Variants in CSMD1 observed in about 807,000 individuals in gnomAD.
CSMD1 encodes CUB and sushi domain-containing protein 1.
A neutral mutation model predicts 417.5 loss-of-function variants in CSMD1; 213 were observed. The observed-to-expected ratio is 0.51, with a 90% CI of 0.46 to 0.57. The LOEUF (loss-of-function observed/expected upper bound fraction) is 0.57. Among genes scored for constraint, CSMD1 ranks in the 20% least tolerant of loss-of-function variants. CSMD1 has a pLI of 0.00. For synonymous variants in CSMD1, 2,862 were observed against 1,736.8 expected, an observed-to-expected ratio of 1.65 and a Z score of -16.11; for missense variants, 6,923 against 4,529.7, an observed-to-expected ratio of 1.53 and a Z score of -15.17.
intron 1 of CSMD1, among the ~76,000 whole-genome samples, chr8:4,856,530 G>T (rs1585219660): frequency 7.2e-6 from 1 of 139,344 alleles, no homozygotes; most frequent in African/African-American, 3.0e-5. Context: ...CATCTCACGT[G>T]CAGAGACACA....
chr8:3,591,174 T>A (rs1380709781), intron 8 of CSMD1, among the ~76,000 whole-genome samples: 1 of 152,186 alleles, frequency 6.6e-6, no homozygotes, highest in Non-Finnish European at 1.5e-5. Context: ...TCAAGATACA[T>A]GGTACATTGA....
At chr8:3,636,800 C>A (rs776935288) in intron 7 of CSMD1, among the ~76,000 whole-genome samples, 5 of 152,064 alleles carry the variant, frequency 3.3e-5, no homozygotes, top group Admixed American at 6.5e-5. Context: ...GAGTTTCATA[C>A]GATCATATCT....
intron 2 of CSMD1, among the ~76,000 whole-genome samples, chr8:4,600,045 C>T (rs528551627): frequency 6.8e-4 from 103 of 152,222 alleles, no homozygotes; most frequent in African/African-American, 2.3e-3. Context: ...TCAGTAGGTA[C>T]CCACCAATGG....
chr8:3,570,880 AG>A (rs1475907409), intron 10 of CSMD1, among the ~76,000 whole-genome samples: 8 of 152,254 alleles, frequency 5.3e-5, no homozygotes, highest in African/African-American at 1.9e-4. Context: ...TTTAAACAAT[AG>A]GAACTCTAAG....
chr8:4,314,902 C>A (rs760360414), intron 3 of CSMD1, among the ~76,000 whole-genome samples: 3 of 152,102 alleles, frequency 2.0e-5, no homozygotes, highest in Non-Finnish European at 4.4e-5. Flanking sequence ...CATAATTGGG[C>A]TCCTAAAAAC....
intron 3 of CSMD1, among the ~76,000 whole-genome samples, chr8:4,173,572 G>A (rs749656467): frequency 6.6e-6 from 1 of 152,114 alleles, no homozygotes; most frequent in Non-Finnish European, 1.5e-5. Context: ...ATCAAATGAT[G>A]TAACAATATG....
At chr8:4,202,584 A>T (rs551015298) in intron 3 of CSMD1, among the ~76,000 whole-genome samples, 148 of 152,346 alleles carry the variant, frequency 9.7e-4, no homozygotes, top group African/African-American at 3.5e-3. Flanking sequence ...TCATTCAAAA[A>T]AGGTTACTTT....
At chr8:3,536,043 CAT>C (rs1165961419) in intron 10 of CSMD1, among the ~76,000 whole-genome samples, 12 of 152,174 alleles carry the variant, frequency 7.9e-5, no homozygotes, top group African/African-American at 1.7e-4. Context: ...ACCACGCTGT[CAT>C]AGTCACAGGT....
At chr8:4,553,887 A>C (rs1373590484) in intron 2 of CSMD1, among the ~76,000 whole-genome samples, 2 of 152,148 alleles carry the variant, frequency 1.3e-5, no homozygotes, top group Non-Finnish European at 1.5e-5. Context: ...CAAGCTGCCT[A>C]AAACAAGCAC....
chr8:4,157,338 G>A (rs181901142), intron 3 of CSMD1, among the ~76,000 whole-genome samples: 4 of 152,312 alleles, frequency 2.6e-5, no homozygotes, highest in African/African-American at 7.2e-5. Context: ...CAGAGCCCAA[G>A]ATATTTACCA....
At chr8:3,523,938 CAGACACGTGCATACACATGCACACTT>C (rs1469958213) in intron 10 of CSMD1, among the ~76,000 whole-genome samples, 1 of 150,046 alleles carries the variant, frequency 6.7e-6, no homozygotes, top group Non-Finnish European at 1.5e-5. Flanking sequence ...CATGCACACT[CAGACACGTGCATACACATGCACACTT>C]ACACATGCAC....
At chr8:3,034,233 T>C (rs1393605820) in intron 50 of CSMD1, among the ~76,000 whole-genome samples, 1 of 152,270 alleles carries the variant, frequency 6.6e-6, no homozygotes, top group African/African-American at 2.4e-5. Context: ...TGATGTGGTT[T>C]CTGGCTGATG....
chr8:3,694,950 T>A (rs1453841126), intron 7 of CSMD1, among the ~76,000 whole-genome samples: 1 of 151,922 alleles, frequency 6.6e-6, no homozygotes, highest in Non-Finnish European at 1.5e-5. Flanking sequence ...GTTCAGTATG[T>A]CAAGAAAAGT....
intron 2 of CSMD1, among the ~76,000 whole-genome samples, chr8:4,592,653 C>T (rs1800050965): frequency 6.6e-6 from 1 of 152,124 alleles, no homozygotes; most frequent in Non-Finnish European, 1.5e-5. Context: ...TCCCAAAGTG[C>T]TAGGATTACC....
At chr8:3,905,987 G>A (rs1216944977) in intron 5 of CSMD1, among the ~76,000 whole-genome samples, 5 of 152,140 alleles carry the variant, frequency 3.3e-5, no homozygotes, top group Non-Finnish European at 5.9e-5. Flanking sequence ...TCTTTTACCA[G>A]ATGGTTGTTA....
chr8:4,216,775 G>A (rs1401481), intron 3 of CSMD1, among the ~76,000 whole-genome samples: 5 of 152,290 alleles, frequency 3.3e-5, no homozygotes, highest in African/African-American at 1.2e-4. Flanking sequence ...TTACAGAAAA[G>A]AGAAAGTCTC....
chr8:4,325,842 T>C (rs1799527995), intron 3 of CSMD1, among the ~76,000 whole-genome samples: 1 of 152,104 alleles, frequency 6.6e-6, no homozygotes, highest in Non-Finnish European at 1.5e-5. Context: ...AACAAAAGCT[T>C]ATTCCACCTG....
intron 3 of CSMD1, among the ~76,000 whole-genome samples, chr8:4,093,638 T>C (rs1323739513): frequency 1.3e-5 from 2 of 151,996 alleles, no homozygotes; most frequent in African/African-American, 4.8e-5. Flanking sequence ...CAACTATGAT[T>C]GAGAGGAGAA....
At chr8:3,848,340 C>T (rs927024822) in intron 5 of CSMD1, among the ~76,000 whole-genome samples, 2 of 152,074 alleles carry the variant, frequency 1.3e-5, no homozygotes, top group Non-Finnish European at 2.9e-5. Context: ...AAGGAGCAAT[C>T]TTATTAAAGA....
Sources: gnomAD v4.1 joint callset for allele counts (sites outside exome capture counted in the v4.1 genomes callset) on GRCh38, gnomAD v4.1.1 for gene constraint, MANE v1.5 for transcripts, NCBI Gene and HGNC (gene_info 2026-07-23, HGNC 2026-07-21) for gene names.